Variants in ADGRL3 observed in about 807,000 individuals in gnomAD.
ADGRL3 encodes the protein calcium-independent alpha-latrotoxin receptor 3.
A neutral mutation model predicts 153.5 loss-of-function variants in ADGRL3; 62 were observed. The observed-to-expected ratio is 0.40, with a 90% CI of 0.33 to 0.50. The LOEUF (loss-of-function observed/expected upper bound fraction) is 0.50. Among genes scored for constraint, ADGRL3 ranks in the 20% least tolerant of loss-of-function variants. ADGRL3 has a pLI of 0.47. For missense variants in ADGRL3, 1,641 were observed against 1,859.4 expected (o/e 0.88, Z 2.16); for synonymous variants, 710 against 672.5 (o/e 1.06, Z -0.86).
At chr4:61,647,879 T>C (rs912668514) in intron 5 of ADGRL3, among the ~76,000 whole-genome samples, 2 of 152,148 alleles carry the variant, frequency 1.3e-5, no homozygotes, top group African/African-American at 4.8e-5. Context: ...CTCTCAGATA[T>C]TGGATATTAC....
chr4:61,809,671 A>G lies in ADGRL3; in HGVS notation c.1400-4138A>G, dbSNP rs565320819. Reference sequence around the variant, plus strand: ...CTTGCACATATGATATAATTCATGTATTTATTATGTTTACTGCTTGCTTTC... The same window carrying G: ...CTTGCACATATGATATAATTCATGTGTTTATTATGTTTACTGCTTGCTTTC... On this transcript the variant is annotated intron_variant, in intron 8 of 26. Coordinates refer to ENST00000683033, the MANE Select transcript of ADGRL3 (RefSeq NM_001387552.1). Among the ~76,000 whole-genome samples the G allele has an allele frequency of 4.6e-5, 7 of 152,132 alleles. No individual in the cohort carries two copies. The South Asian group carries it at 1.5e-3, about 32-fold the overall frequency.
chr4:61,871,133 C>G (rs1036092922), intron 9 of ADGRL3, among the ~76,000 whole-genome samples: 2 of 151,986 alleles, frequency 1.3e-5, no homozygotes, highest in African/African-American at 4.8e-5. Context: ...AAAAAATTAG[C>G]CAGGTGTGGT....
chr4:61,339,129 T>C (rs1388414584), intron 1 of ADGRL3, among the ~76,000 whole-genome samples: 1 of 152,182 alleles, frequency 6.6e-6, no homozygotes, highest in African/African-American at 2.4e-5. Context: ...CTTCAGTCTT[T>C]TCTAATCTTT....
intron 6 of ADGRL3, among the ~76,000 whole-genome samples, chr4:61,691,563 C>A (rs1447899286): frequency 6.6e-6 from 1 of 152,136 alleles, no homozygotes; most frequent in Admixed American, 6.6e-5. Flanking sequence ...GTTACTTTGA[C>A]TATTTGAATA....
intron 6 of ADGRL3, among the ~76,000 whole-genome samples, chr4:61,721,534 G>T (rs2096243791): frequency 6.6e-6 from 1 of 152,208 alleles, no homozygotes; most frequent in African/African-American, 2.4e-5. Context: ...TGCCCACTCA[G>T]ATTGAGGGTA....
In ADGRL3 at chr4:61,912,750, A is replaced by G. The variant is rs766632278; in HGVS notation, c.2105A>G (p.Tyr702Cys). 3.1e-6 allele frequency: 5 copies of G among 1,613,174 alleles called. No individual in the cohort carries two copies. The highest frequency in any genetic ancestry group is 3.4e-6 in the Non-Finnish European group (4 of 1,179,408). ...AAAAGAGAGCGCTCTTGCAGAGCCT[A>G]TGTCCAGGTACTTTCTGCGTTTTTA... ...LQKRERSCRA[Y>C]VQAMVETVNN... Residue 702 changes from tyrosine (Y) to cysteine (C), a missense_variant, in exon 13 of 27, where the codon TAT (tyrosine) becomes TGT (cysteine). Transcript: ENST00000683033.
chr4:61,972,535 G>A (rs2099032330), intron 17 of ADGRL3, among the ~76,000 whole-genome samples: 1 of 152,150 alleles, frequency 6.6e-6, no homozygotes, highest in Non-Finnish European at 1.5e-5. Flanking sequence ...TTTGGTAGCT[G>A]TACCATGCTG....
At chr4:61,919,600 AT>A (rs1348587364) in intron 13 of ADGRL3, among the ~76,000 whole-genome samples, 2 of 152,204 alleles carry the variant, frequency 1.3e-5, no homozygotes, top group Non-Finnish European at 2.9e-5. Context: ...ATACAAAGCA[AT>A]CATTGAATCA....
intron 9 of ADGRL3, among the ~76,000 whole-genome samples, chr4:61,878,093 A>G (rs1031239357): frequency 2.6e-5 from 4 of 152,142 alleles, no homozygotes; most frequent in Non-Finnish European, 5.9e-5. Context: ...AAATTACCCA[A>G]TCTCAGGAAA....
chr4:61,526,653 G>T (rs1426483867), intron 4 of ADGRL3, among the ~76,000 whole-genome samples: 1 of 151,960 alleles, frequency 6.6e-6, no homozygotes, highest in Non-Finnish European at 1.5e-5. Context: ...GTGCATCCCT[G>T]CAGTCCCAGG....
At chr4:61,583,969 C>T (rs891875976) in intron 4 of ADGRL3, among the ~76,000 whole-genome samples, 1 of 151,978 alleles carries the variant, frequency 6.6e-6, no homozygotes, top group Non-Finnish European at 1.5e-5. Context: ...TGACTCATTA[C>T]TCTGCATTTG....
At chr4:61,657,481 C>G (rs560226459) in intron 5 of ADGRL3, among the ~76,000 whole-genome samples, 1 of 151,988 alleles carries the variant, frequency 6.6e-6, no homozygotes, top group East Asian at 1.9e-4. Flanking sequence ...AAATCAATAT[C>G]TGAGAGTATG....
chr4:61,567,138 T>A (rs1051957574), intron 4 of ADGRL3, among the ~76,000 whole-genome samples: 1 of 152,220 alleles, frequency 6.6e-6, no homozygotes, highest in Admixed American at 6.5e-5. Flanking sequence ...TTTGAGTTCA[T>A]CAGCTCTGTA....
intron 8 of ADGRL3, among the ~76,000 whole-genome samples, chr4:61,813,126 G>A (rs1251994649): frequency 6.6e-6 from 1 of 152,166 alleles, no homozygotes; most frequent in African/African-American, 2.4e-5. Context: ...TGGGCTCAGT[G>A]GCTCAAGTCT....
At chr4:61,322,712 G>A (rs2095385135) in intron 1 of ADGRL3, among the ~76,000 whole-genome samples, 1 of 152,204 alleles carries the variant, frequency 6.6e-6, no homozygotes. Context: ...TGTTCTCATG[G>A]TCTGGGGCAG....
chr4:61,379,052 T>C (rs1265680188), intron 1 of ADGRL3, among the ~76,000 whole-genome samples: 1 of 151,982 alleles, frequency 6.6e-6, no homozygotes, highest in Non-Finnish European at 1.5e-5. Context: ...GTGATGAGGA[T>C]TATGATATTG....
intron 1 of ADGRL3, among the ~76,000 whole-genome samples, chr4:61,361,028 T>C (rs1417916495): frequency 6.6e-6 from 1 of 152,158 alleles, no homozygotes. Flanking sequence ...ATCTAATAAG[T>C]ACAGTGATGT....
rs1157114077 is a variant in ADGRL3 at position 61,857,023 on chromosome 4, C to CCCTT, written c.1481-35618_1481-35615dup. 1.2e-3 allele frequency among the ~76,000 whole-genome samples: 137 copies of CCCTT among 113,584 alleles called. 1 individual carries two copies. The highest frequency in any genetic ancestry group is 4.2e-3 in the African/African-American group (135 of 32,190). The allele number at this position is 113,584 out of a possible 152,430, so 74.5% of individuals were successfully genotyped here. A position where few individuals can be genotyped will look rare whatever the true frequency, so the allele number is the denominator to read the frequency against. ...TTCTTTCTTTCTTTCTTTCCTTCCT[C>CCCTT]CCTTCCTTCCTTCCTTCCCTTTCTC... On this transcript the variant is annotated intron_variant, in intron 9 of 26. Transcript: ENST00000683033.
chr4:61,530,292 G>A (rs2098604543), intron 4 of ADGRL3, among the ~76,000 whole-genome samples: 2 of 151,698 alleles, frequency 1.3e-5, no homozygotes, highest in South Asian at 4.2e-4. Context: ...CCCTGGGTCT[G>A]TCAAGAGGTA....
Sources: allele counts gnomAD v4.1 joint callset (sites outside exome capture counted in the v4.1 genomes callset), GRCh38; gene constraint gnomAD v4.1.1; transcripts MANE v1.5; gene names NCBI Gene and HGNC (gene_info 2026-07-23, HGNC 2026-07-21).